C10orf143: variants seen among roughly 807,000 people sequenced by gnomAD.
C10orf143 encodes the protein uncharacterized protein C10orf143.
chr10:130,056,716 T>C lies in C10orf143; in HGVS notation c.298-20746A>G, dbSNP rs1263301514. On this transcript the variant is annotated intron_variant and NMD_transcript_variant, in intron 3 of 5. Coordinates refer to the C10orf143 transcript ENST00000643056. This position sits in a 1 kb window ranked among gnomAD's most constrained non-coding sequence, Gnocchi z 4.6. Reference sequence around the variant, plus strand: ...ATGCCATTCTCCTGCCTCAGCCTCCTGAGTAGCTGGGATTACAGGCACCCA... The same window carrying C: ...ATGCCATTCTCCTGCCTCAGCCTCCCGAGTAGCTGGGATTACAGGCACCCA... 6.6e-6 allele frequency among the ~76,000 whole-genome samples: 1 copy of C among 151,520 alleles called. No homozygotes were observed. The highest frequency in any genetic ancestry group is 1.5e-5 in the Non-Finnish European group (1 of 67,808).
At chr10:130,106,961 C>A in intron 1 of C10orf143, 1 of 1,006,870 alleles carries the variant, frequency 9.9e-7, no homozygotes, top group Non-Finnish European at 1.6e-6. Flanking sequence ...CTTAGATGAT[C>A]CTCTAAAAGG....
chr10:130,058,867 G>A (rs78227460), intron 3 of C10orf143, among the ~76,000 whole-genome samples: 8,609 of 151,938 alleles, frequency 0.057, 350 homozygotes, highest in Non-Finnish European at 0.085. Context: ...TCATACCCAT[G>A]CAGGTGTACT....
At chr10:130,093,591 C>CA (rs964467563) in intron 1 of C10orf143, among the ~76,000 whole-genome samples, 1 of 151,810 alleles carries the variant, frequency 6.6e-6, no homozygotes, top group African/African-American at 2.4e-5. Context: ...GATAGAGATA[C>CA]AAAAAAACCC....
At chr10:130,108,287 A>G in intron 1 of C10orf143, 1 of 1,571,718 alleles carries the variant, frequency 6.4e-7, no homozygotes. Flanking sequence ...TCCGTTTGCA[A>G]TGAGAAATGT....
chr10:130,060,684 C>T (rs1166526456), downstream of C10orf143, among the ~76,000 whole-genome samples: 8 of 151,820 alleles, frequency 5.3e-5, no homozygotes, highest in Admixed American at 4.6e-4. Flanking sequence ...ATTAGCCGGG[C>T]GTGGTAGCGG....
intron 1 of C10orf143, among the ~76,000 whole-genome samples, chr10:130,102,751 T>C (rs1861577692): frequency 6.6e-6 from 1 of 152,232 alleles, no homozygotes; most frequent in Non-Finnish European, 1.5e-5. Context: ...TAAACATTGA[T>C]GAATTTTATG....
chr10:130,055,705 G>A (rs1860786480), intron 3 of C10orf143, among the ~76,000 whole-genome samples: 1 of 152,160 alleles, frequency 6.6e-6, no homozygotes, highest in African/African-American at 2.4e-5. Flanking sequence ...CAGCACTTTA[G>A]GAGGCCGAGG....
At chr10:130,110,087 C>T (rs1861735146) in intron 1 of C10orf143, among the ~76,000 whole-genome samples, 1 of 152,186 alleles carries the variant, frequency 6.6e-6, no homozygotes, top group Admixed American at 6.5e-5. Context: ...CCCATCCTGC[C>T]TACCCCCGGT....
At chr10:130,057,228 G>A (rs909287085) in intron 3 of C10orf143, among the ~76,000 whole-genome samples, 4 of 152,056 alleles carry the variant, frequency 2.6e-5, no homozygotes, top group African/African-American at 4.8e-5. Context: ...GATATACATG[G>A]CATAAAATTC....
chr10:130,091,828 T>C (rs1861387510), intron 1 of C10orf143, among the ~76,000 whole-genome samples: 1 of 151,914 alleles, frequency 6.6e-6, no homozygotes, highest in Non-Finnish European at 1.5e-5. Flanking sequence ...AGATTGAAGA[T>C]CAACTTAATG....
intron 3 of C10orf143, among the ~76,000 whole-genome samples, chr10:130,045,612 C>T (rs1013281939): frequency 1.1e-4 from 16 of 152,210 alleles, no homozygotes; most frequent in African/African-American, 3.9e-4. Context: ...CTGGCATTTT[C>T]GTTTGAAGCA....
At chr10:130,050,518 T>C (rs1460022815) in intron 3 of C10orf143, among the ~76,000 whole-genome samples, 4 of 152,238 alleles carry the variant, frequency 2.6e-5, no homozygotes, top group Non-Finnish European at 5.9e-5. Context: ...AGCAAGACCC[T>C]GTCCATTCAT....
intron 1 of C10orf143, among the ~76,000 whole-genome samples, chr10:130,099,508 ATTTT>A (rs925600225): frequency 6.7e-5 from 8 of 119,762 alleles, no homozygotes; most frequent in Admixed American, 9.8e-5. Flanking sequence ...TTCTTCTTTT[ATTTT>A]TATTTATTTA....
chr10:130,089,478 A>T (rs759153329), intron 1 of C10orf143, among the ~76,000 whole-genome samples: 14 of 151,674 alleles, frequency 9.2e-5, no homozygotes, highest in Non-Finnish European at 1.9e-4. Context: ...AAAAGAAGTA[A>T]AAAAAAACCT....
intron 1 of C10orf143, chr10:130,108,393 G>A: frequency 2.0e-6 from 2 of 1,003,570 alleles, no homozygotes; most frequent in Non-Finnish European, 3.2e-6. Flanking sequence ...TTCCCTTCAG[G>A]GCTGATTCCG....
intron 1 of C10orf143, among the ~76,000 whole-genome samples, chr10:130,101,880 A>AAATTTTTCAG (rs1861562511): frequency 6.8e-6 from 1 of 148,018 alleles, no homozygotes; most frequent in Non-Finnish European, 1.5e-5. Flanking sequence ...AAAAAAAAAA[A>AAATTTTTCAG]AAAAACTTTT....
In C10orf143 at chr10:130,065,404, T is replaced by A. The variant is rs1221194441; in HGVS notation, c.298-1021A>T. 1 of 152,056 alleles carries A rather than the reference T, an allele frequency of 6.6e-6. No individual in the cohort carries two copies. The highest frequency in any genetic ancestry group is 1.5e-5 in the Non-Finnish European group (1 of 68,088). The allele number at this position is 152,056 out of a possible 1,614,324, so 9.4% of individuals were successfully genotyped here. A position where few individuals can be genotyped will look rare whatever the true frequency, so the allele number is the denominator to read the frequency against. On this transcript the variant is annotated intron_variant, in intron 3 of 3. Transcript: ENST00000637128. This position sits in a 1 kb window ranked among gnomAD's most constrained non-coding sequence, Gnocchi z 4.2. ...GGTGGGCCACGAAGGAGCAAGAGAA[T>A]CTTTGGAGGTGGGAAGGTATACCTC...
At chr10:130,063,688 C>T (rs566218382), downstream of C10orf143, among the ~76,000 whole-genome samples, 4 of 152,086 alleles carry the variant, frequency 2.6e-5, no homozygotes, top group South Asian at 6.2e-4. Flanking sequence ...TAACGTGATG[C>T]GGACAGGAGC....
intron 3 of C10orf143, among the ~76,000 whole-genome samples, chr10:130,058,360 G>A (rs1860818113): frequency 6.6e-6 from 1 of 152,024 alleles, no homozygotes; most frequent in Admixed American, 6.6e-5. Context: ...GTACAGTGAA[G>A]GTACTTCTTC....
Sources: allele counts gnomAD v4.1 joint callset (sites outside exome capture counted in the v4.1 genomes callset), GRCh38; gene constraint gnomAD v4.1.1; non-coding constraint Gnocchi (gnomAD v3.1); transcripts MANE v1.5; gene names NCBI Gene and HGNC (gene_info 2026-07-23, HGNC 2026-07-21).